Variants in PAX3 observed in about 807,000 individuals in gnomAD.
PAX3 encodes the protein paired box 3, also known as paired box protein Pax-3.
PAX3 carries 14 observed loss-of-function variants against 51.6 expected under a neutral mutation model. The observed-to-expected ratio is 0.27, with a 90% confidence interval of 0.18 to 0.42. PAX3 has a LOEUF of 0.42. Ranked by LOEUF, PAX3 falls within the 10% of genes least tolerant of loss-of-function variation. The pLI is 1.00. For missense variants in PAX3, 540 were observed against 642.8 expected (o/e 0.84, Z 1.73); for synonymous variants, 280 against 253.4 (o/e 1.11, Z -1.00).
intron 4 of PAX3, among the ~76,000 whole-genome samples, chr2:222,255,060 G>A (rs1054623782): frequency 6.6e-6 from 1 of 152,190 alleles, no homozygotes; most frequent in Non-Finnish European, 1.5e-5. Flanking sequence ...TGGGATTACA[G>A]GCTTGAGCCA....
chr2:222,250,009 A>G (rs1235462734), intron 4 of PAX3, among the ~76,000 whole-genome samples: 2 of 152,190 alleles, frequency 1.3e-5, no homozygotes, highest in East Asian at 3.8e-4. Context: ...CATATAGGTC[A>G]TGGATAGTTC....
chr2:222,256,192 G>A (rs956997248), intron 4 of PAX3, among the ~76,000 whole-genome samples: 1 of 152,068 alleles, frequency 6.6e-6, no homozygotes, highest in African/African-American at 2.4e-5. Flanking sequence ...TATTTGGAAC[G>A]TGCCAGAATC....
chr2:222,261,391 G>A (rs996317712), intron 4 of PAX3, among the ~76,000 whole-genome samples: 7 of 151,498 alleles, frequency 4.6e-5, no homozygotes, highest in Non-Finnish European at 7.4e-5. Context: ...GTTAGCAAAC[G>A]GCTAGGAAAA....
chr2:222,284,911 C>T (rs1694781325), intron 4 of PAX3, among the ~76,000 whole-genome samples: 1 of 152,182 alleles, frequency 6.6e-6, no homozygotes, highest in African/African-American at 2.4e-5. Context: ...CTAAAATGTG[C>T]TTGGTCTCAA....
chr2:222,255,921 T>TTC (rs1209895831), intron 4 of PAX3, among the ~76,000 whole-genome samples: 2 of 140,690 alleles, frequency 1.4e-5, no homozygotes, highest in African/African-American at 5.3e-5. Context: ...CAGCTAATTT[T>TTC]TTTTTTTTTT....
At chr2:222,272,164 C>T (rs1467769662) in intron 4 of PAX3, among the ~76,000 whole-genome samples, 3 of 152,114 alleles carry the variant, frequency 2.0e-5, no homozygotes, top group Non-Finnish European at 2.9e-5. Flanking sequence ...GAATCAGAGG[C>T]ACACTTAGAG....
intron 2 of PAX3, 141 bp from the exon 3 acceptor site, chr2:222,295,798 C>T: frequency 1.1e-6 from 1 of 920,744 alleles, no homozygotes; most frequent in Non-Finnish European, 1.8e-6. Flanking sequence ...AAGACCTGAA[C>T]TCTCTGAGGC....
chr2:222,221,691 A>G (rs1267279426), intron 5 of PAX3: 6 of 371,346 alleles, frequency 1.6e-5, no homozygotes, highest in South Asian at 7.3e-5. Context: ...TCCCCTCCCT[A>G]CCCTCAACAT....
At chr2:222,289,340 TTTG>T (rs1224837802) in intron 4 of PAX3, among the ~76,000 whole-genome samples, 1 of 152,144 alleles carries the variant, frequency 6.6e-6, no homozygotes, top group Non-Finnish European at 1.5e-5. Flanking sequence ...GGAAGAATTT[TTTG>T]TTGTTGTTCT....
chr2:222,262,283 T>C (rs967343557), intron 4 of PAX3, among the ~76,000 whole-genome samples: 2 of 152,200 alleles, frequency 1.3e-5, no homozygotes, highest in Non-Finnish European at 2.9e-5. Context: ...TTATTCCCTA[T>C]TTGGACTATA....
At chr2:222,252,228 G>C (rs115800318) in intron 4 of PAX3, among the ~76,000 whole-genome samples, 4 of 152,206 alleles carry the variant, frequency 2.6e-5, no homozygotes, top group Non-Finnish European at 5.9e-5. Context: ...ACAGAGGCCA[G>C]TGGCCCCAAA....
intron 7 of PAX3, chr2:222,214,460 C>T (rs975160229): frequency 3.3e-5 from 5 of 152,174 alleles, no homozygotes; most frequent in African/African-American, 1.2e-4. Context: ...TAAAGGTTTG[C>T]TTTTGTAAAA....
intron 1 of PAX3, chr2:222,298,238 C>T (rs1695409995): frequency 8.7e-6 from 4 of 457,816 alleles, no homozygotes; most frequent in South Asian, 7.1e-5. Flanking sequence ...CGCTCAGAAG[C>T]CGGTTCACCT....
chr2:222,236,442 A>G (rs1692800459), intron 4 of PAX3, among the ~76,000 whole-genome samples: 1 of 152,180 alleles, frequency 6.6e-6, no homozygotes, highest in South Asian at 2.1e-4. Flanking sequence ...CCATTTTAAG[A>G]GCACATAGGA....
chr2:222,298,650 G>A lies in PAX3; in HGVS notation c.-35C>T. ...AGCTTCGCTCGGAAATTATATCCAG[G>A]TGAAGGCGAAACGGAAAGGCGAGTG... On this transcript the variant is annotated 5_prime_UTR_variant, in exon 1 of 9. Coordinates refer to ENST00000392070, the MANE Select transcript of PAX3 (RefSeq NM_181458.4). 6.4e-7 allele frequency: 1 copy of A among 1,569,254 alleles called. No individual in the cohort carries two copies. The highest frequency in any genetic ancestry group is 8.7e-7 in the Non-Finnish European group (1 of 1,154,426).
intron 5 of PAX3, among the ~76,000 whole-genome samples, chr2:222,226,854 G>A (rs903114313): frequency 6.6e-6 from 1 of 151,482 alleles, no homozygotes; most frequent in East Asian, 2.0e-4. Context: ...TTTTAATTTG[G>A]GCATGGGAGA....
At chr2:222,285,562 T>C (rs1216103980) in intron 4 of PAX3, among the ~76,000 whole-genome samples, 1 of 152,262 alleles carries the variant, frequency 6.6e-6, no homozygotes, top group African/African-American at 2.4e-5. Flanking sequence ...GTAGACTTTC[T>C]ATTTAAAATG....
chr2:222,228,450 G>T (rs1692463202), intron 5 of PAX3, among the ~76,000 whole-genome samples: 2 of 152,184 alleles, frequency 1.3e-5, no homozygotes, highest in South Asian at 2.1e-4. Flanking sequence ...AGATGAGAAT[G>T]CTGGGTGCTG....
At chr2:222,254,363 C>T (rs1436180345) in intron 4 of PAX3, among the ~76,000 whole-genome samples, 1 of 151,568 alleles carries the variant, frequency 6.6e-6, no homozygotes, top group Non-Finnish European at 1.5e-5. Context: ...ATGAAATATG[C>T]TCGTCTGTTC....
Sources: gnomAD v4.1 joint callset for allele counts (sites outside exome capture counted in the v4.1 genomes callset) on GRCh38, gnomAD v4.1.1 for gene constraint, MANE v1.5 for transcripts, NCBI Gene and HGNC (gene_info 2026-07-23, HGNC 2026-07-21) for gene names.